Variants in CEP89 observed in about 807,000 individuals in gnomAD.
CEP89 encodes the protein centrosomal protein of 89 kDa.
In CEP89, 95 loss-of-function variants were observed where a neutral mutation model predicts 97.6. The observed-to-expected ratio is 0.97, with a 90% CI of 0.82 to 1.15. The LOEUF (loss-of-function observed/expected upper bound fraction) is 1.15, where lower values mean the gene tolerates loss of function less well. CEP89 is among the 50% of genes most tolerant of loss of function. CEP89 has a pLI of 0.00. For missense variants in CEP89, 869 were observed against 947.7 expected, an observed-to-expected ratio of 0.92 and a Z score of 1.09; for synonymous variants, 354 against 349.1, an observed-to-expected ratio of 1.01 and a Z score of -0.16.
intron 9 of CEP89, among the ~76,000 whole-genome samples, chr19:32,927,925 T>C (rs1267031023): frequency 1.4e-5 from 2 of 147,428 alleles, no homozygotes; most frequent in South Asian, 2.2e-4. Flanking sequence ...TTTTCTTTTT[T>C]TTTTTTTTTT....
chr19:32,952,531 T>C (rs1970942665), intron 4 of CEP89, among the ~76,000 whole-genome samples: 1 of 151,208 alleles, frequency 6.6e-6, no homozygotes, highest in Non-Finnish European at 1.5e-5. Flanking sequence ...AATATACATA[T>C]AATCAATACC....
intron 1 of CEP89, 127 bp downstream of exon 1, chr19:32,971,709 G>T: frequency 1.1e-6 from 1 of 920,746 alleles, no homozygotes; most frequent in African/African-American, 1.7e-5. Context: ...TTCCTCAACT[G>T]AAAACCACTT....
chr19:32,939,504 C>A (rs900154107), intron 6 of CEP89, among the ~76,000 whole-genome samples: 2 of 151,704 alleles, frequency 1.3e-5, no homozygotes, highest in African/African-American at 4.8e-5. Context: ...TGGTGAAACC[C>A]CATCTTTATC....
chr19:32,902,042 G>GTGTGTGTGTA (rs1457324406), intron 14 of CEP89, among the ~76,000 whole-genome samples: 1 of 150,594 alleles, frequency 6.6e-6, no homozygotes, highest in African/African-American at 2.5e-5. Context: ...GTGTGTGTGT[G>GTGTGTGTGTA]TGTATGTGTG....
chr19:32,927,131 C>CCCAT (rs75760372), intron 9 of CEP89, 147 bp from the exon 10 acceptor site: 101,458 of 597,440 alleles, frequency 0.17, 7,342 homozygotes, highest in African/African-American at 0.2. Flanking sequence ...TACCCACCTA[C>CCCAT]CCATCCATCC....
At chr19:32,913,124 AATT>A in intron 14 of CEP89, among the ~76,000 whole-genome samples, 1 of 148,132 alleles carries the variant, frequency 6.8e-6, no homozygotes, top group South Asian at 2.1e-4. Context: ...ATTCATATAT[AATT>A]ATACAAAATA....
At chr19:32,947,233 T>C (rs1199500628) in intron 5 of CEP89, among the ~76,000 whole-genome samples, 1 of 152,158 alleles carries the variant, frequency 6.6e-6, no homozygotes, top group Non-Finnish European at 1.5e-5. Flanking sequence ...CTACCTTTGT[T>C]ATAACATGCT....
At chr19:32,925,187 A>G (rs1970328720) in intron 11 of CEP89, among the ~76,000 whole-genome samples, 1 of 152,076 alleles carries the variant, frequency 6.6e-6, no homozygotes, top group Admixed American at 6.6e-5. Context: ...GATCCTTCCA[A>G]TTTCAGGGAT....
chr19:32,885,073 T>G, intron 17 of CEP89, among the ~76,000 whole-genome samples: 1 of 152,144 alleles, frequency 6.6e-6, no homozygotes, highest in East Asian at 1.9e-4. Context: ...TACCACTTGG[T>G]TTTTCAGCTT....
chr19:32,926,575 T>C (rs920407756), intron 10 of CEP89, among the ~76,000 whole-genome samples: 2 of 152,196 alleles, frequency 1.3e-5, no homozygotes, highest in South Asian at 2.1e-4. Flanking sequence ...ATGAGCTCCG[T>C]TGCCCGAAGC....
At chr19:32,948,887 G>C (rs1400888526) in intron 4 of CEP89, among the ~76,000 whole-genome samples, 1 of 152,030 alleles carries the variant, frequency 6.6e-6, no homozygotes, top group Non-Finnish European at 1.5e-5. Flanking sequence ...ACCACAACCA[G>C]GTAATTTTTT....
chr19:32,952,903 C>CA (rs34455504), intron 4 of CEP89, among the ~76,000 whole-genome samples: 19,423 of 48,502 alleles, frequency 0.4, 3,123 homozygotes, highest in Non-Finnish European at 0.44. Flanking sequence ...GACTCTGTCT[C>CA]AAAAAAAAAA....
rs187072109 is a variant in CEP89, at chr19:32,965,564, T to C, written c.146+796A>G. Among the ~76,000 whole-genome samples, 108 of 151,694 alleles carry C rather than the reference T, an allele frequency of 7.1e-4. 1 individual carries two copies. The East Asian group carries it at 0.018, about 26-fold the overall frequency. ...TAGAAAAATTAGTTGGGCATGGTGG[T>C]ACATGCCTGTAGTCCCAGCTACCCG... On this transcript the variant is annotated intron_variant, in intron 2 of 18. Coordinates refer to ENST00000305768, the MANE Select transcript of CEP89 (RefSeq NM_032816.5).
At chr19:32,931,848 T>C (rs1970481069) in intron 8 of CEP89, among the ~76,000 whole-genome samples, 1 of 152,176 alleles carries the variant, frequency 6.6e-6, no homozygotes, top group Admixed American at 6.5e-5. Context: ...TGGAAAGGAA[T>C]AGTCATTGTT....
intron 5 of CEP89, among the ~76,000 whole-genome samples, chr19:32,943,099 G>T (rs1211073548): frequency 6.6e-6 from 1 of 151,866 alleles, no homozygotes; most frequent in Admixed American, 6.6e-5. Flanking sequence ...CCAGGCTCAA[G>T]TGATCTTCCT....
chr19:32,905,513 T>G (rs1311806744), intron 14 of CEP89, among the ~76,000 whole-genome samples: 1 of 152,140 alleles, frequency 6.6e-6, no homozygotes, highest in Non-Finnish European at 1.5e-5. Context: ...AATTCAATTC[T>G]TTTAATGATT....
At chr19:32,902,031 T>TGTGC (rs1156675799) in intron 14 of CEP89, among the ~76,000 whole-genome samples, 3 of 151,514 alleles carry the variant, frequency 2.0e-5, no homozygotes, top group African/African-American at 7.3e-5. Context: ...TGTGTGTGTG[T>TGTGC]GTGTGTGTGT....
At chr19:32,951,534 T>TATACAC (rs1407110112) in intron 4 of CEP89, among the ~76,000 whole-genome samples, 149 of 122,030 alleles carry the variant, frequency 1.2e-3, no homozygotes, top group East Asian at 0.01. Context: ...TATATATATA[T>TATACAC]ACACACACAC....
In CEP89 at chr19:32,901,125, G is replaced by C. The variant is rs1331004688; in HGVS notation, c.1733+120C>G. 8.7e-6 allele frequency: 8 copies of C among 918,596 alleles called. No individual in the cohort carries two copies. The South Asian group carries it at 1.2e-4, about 14-fold the overall frequency. The allele number at this position is 918,596 out of a possible 1,614,324, so 56.9% of individuals were successfully genotyped here. On this transcript the variant is annotated intron_variant, in intron 15 of 18. Coordinates refer to ENST00000305768, the MANE Select transcript of CEP89 (RefSeq NM_032816.5). ...TGGTCTTGAACTTCTGACCTCAAATGATCGCCTGCCTCAGCCTCCCAAAGT... is the reference window on the plus strand; with the variant it reads ...TGGTCTTGAACTTCTGACCTCAAATCATCGCCTGCCTCAGCCTCCCAAAGT...
Sources: allele counts gnomAD v4.1 joint callset (sites outside exome capture counted in the v4.1 genomes callset), GRCh38; gene constraint gnomAD v4.1.1; transcripts MANE v1.5; gene names NCBI Gene and HGNC (gene_info 2026-07-23, HGNC 2026-07-21).